The following TOGARAM1 variants were observed in gnomAD, a reference collection of about 807,000 sequenced individuals.
The protein encoded by TOGARAM1 is TOG array regulator of axonemal microtubules 1, also known as TOG array regulator of axonemal microtubules protein 1.
TOGARAM1 carries 100 observed loss-of-function variants against 166.6 expected under a neutral mutation model. The observed-to-expected ratio is 0.60, with a 90% confidence interval of 0.51 to 0.71. The LOEUF (loss-of-function observed/expected upper bound fraction) is 0.71. Among genes scored for constraint, TOGARAM1 ranks in the 30% least tolerant of loss-of-function variants. The probability of loss-of-function intolerance (pLI) is 0.00; values close to 1 mark genes in which losing one functional copy is unlikely to be tolerated. For missense variants in TOGARAM1, 2,029 were observed against 2,102.7 expected (o/e 0.96, Z 0.69); for synonymous variants, 758 against 763.8 (o/e 0.99, Z 0.13).
At chr14:45,029,215 G>A (rs1386300806) in intron 10 of TOGARAM1, among the ~76,000 whole-genome samples, 1 of 152,120 alleles carries the variant, frequency 6.6e-6, no homozygotes, top group Admixed American at 6.6e-5. Flanking sequence ...TGAAATTTAA[G>A]CCTCTTAGCA....
intron 3 of TOGARAM1, among the ~76,000 whole-genome samples, chr14:45,003,525 G>GT (rs1887784343): frequency 6.6e-6 from 1 of 152,014 alleles, no homozygotes; most frequent in Non-Finnish European, 1.5e-5. Context: ...ATCAGATCTT[G>GT]TTTTTTTAGT....
At chr14:44,992,410 G>A (rs949378724) in intron 1 of TOGARAM1, among the ~76,000 whole-genome samples, 3 of 151,982 alleles carry the variant, frequency 2.0e-5, no homozygotes, top group South Asian at 2.1e-4. Context: ...TGGAGGTCAA[G>A]ATAAAGTTTA....
chr14:44,988,248 G>A (rs1195493276), intron 1 of TOGARAM1, among the ~76,000 whole-genome samples: 4 of 151,924 alleles, frequency 2.6e-5, no homozygotes, highest in African/African-American at 9.7e-5. Flanking sequence ...AGAACTTAAA[G>A]TATAAAAAAA....
In TOGARAM1 at chr14:45,033,189, G is replaced by T. The variant is rs1232888913; in HGVS notation, c.3812+813G>T. 2.0e-5 allele frequency among the ~76,000 whole-genome samples: 3 copies of T among 150,954 alleles called. No homozygotes were observed. The East Asian group carries it at 5.9e-4, about 29-fold the overall frequency. On this transcript the variant is annotated intron_variant, in intron 11 of 19. Transcript: ENST00000361462. The stretch of plus-strand genomic sequence containing the variant: ...AATTGCTTGAACCCGGGAGGTGGAG[G>T]TTGCAGTGAGCTGAGATTGGGCAAC...
In TOGARAM1 at chr14:44,964,221, G is replaced by A. The variant is rs758720486; in HGVS notation, c.1800G>A (p.Arg600=). Residue 600 remains arginine (R), a synonymous_variant, in exon 1 of 20, where the codon AGG becomes AGA. Coordinates refer to ENST00000361462, the MANE Select transcript of TOGARAM1 (RefSeq NM_001308120.2). ...AVLMPSSAGG[R]SNHLAHGADT... ...TGATGCCATCTTCTGCCGGGGGTAG[G>A]TCAAACCATTTGGCACATGGAGCAG... 2 of 1,614,192 alleles carry A rather than the reference G, an allele frequency of 1.2e-6. No individual in the cohort carries two copies. The highest frequency in any genetic ancestry group is 1.1e-5 in the South Asian group (1 of 91,092).
At position 44,992,412 on chromosome 14, in the gene TOGARAM1, T is replaced by C. The variant is rs1887191328; in HGVS notation, c.2047-3334T>C. On this transcript the variant is annotated intron_variant, in intron 1 of 19. Transcript: ENST00000361462. The stretch of plus-strand genomic sequence containing the variant: ...AAGGTTCAAAAACTGGAGGTCAAGA[T>C]AAAGTTTAGTACAAGTTCAGTAAAG... Among the ~76,000 whole-genome samples the C allele has an allele frequency of 2.0e-5, 3 of 152,064 alleles. No individual in the cohort carries two copies. The South Asian group carries it at 6.2e-4, about 32-fold the overall frequency.
At chr14:44,976,555 C>T (rs144839266) in intron 1 of TOGARAM1, among the ~76,000 whole-genome samples, 1 of 152,250 alleles carries the variant, frequency 6.6e-6, no homozygotes, top group East Asian at 1.9e-4. Context: ...GCTTGGCACA[C>T]AGGAGGCACT....
intron 1 of TOGARAM1, among the ~76,000 whole-genome samples, chr14:44,973,586 C>T (rs974387935): frequency 5.3e-5 from 8 of 149,744 alleles, no homozygotes; most frequent in African/African-American, 2.0e-4. Context: ...CTTTCTCTCT[C>T]TCTCTCTCTC....
At position 45,066,570 on chromosome 14, in the gene TOGARAM1, C is replaced by T. The variant is rs761560881; in HGVS notation, c.4560-8C>T. ...AATGAAATTACCTTCACCTTTCTTT[C>T]ACTTTAGAGCTGTAACTGAAGTTCG... On this transcript the variant is annotated splice_region_variant and splice_polypyrimidine_tract_variant and intron_variant, in intron 16 of 19. Coordinates refer to ENST00000361462, the MANE Select transcript of TOGARAM1 (RefSeq NM_001308120.2). 6.4e-7 allele frequency: 1 copy of T among 1,573,808 alleles called. No individual in the cohort carries two copies. The highest frequency in any genetic ancestry group is 8.7e-7 in the Non-Finnish European group (1 of 1,155,958).
At chr14:45,067,691 GT>G (rs1055855649) in intron 17 of TOGARAM1, among the ~76,000 whole-genome samples, 13 of 152,036 alleles carry the variant, frequency 8.6e-5, no homozygotes, top group Non-Finnish European at 1.5e-4. Context: ...GAGCCAGAAA[GT>G]TATATTTTCT....
At chr14:45,046,435 C>CA in intron 13 of TOGARAM1, 110 bp from the exon 14 acceptor site, 3 of 1,023,620 alleles carry the variant, frequency 2.9e-6, no homozygotes, top group Non-Finnish European at 2.5e-6. Context: ...GACCCTGTCC[C>CA]AAAAAACAAA....
intron 5 of TOGARAM1, 40 bp downstream of exon 5, chr14:45,006,307 A>G: frequency 2.1e-6 from 3 of 1,433,794 alleles, no homozygotes; most frequent in Non-Finnish European, 2.8e-6. Flanking sequence ...AAATATTTGC[A>G]ATTTTCTATA....
chr14:45,071,878 T>C, intron 19 of TOGARAM1, 80 bp downstream of exon 19: 1 of 1,077,674 alleles, frequency 9.3e-7, no homozygotes, highest in Non-Finnish European at 1.3e-6. Flanking sequence ...AATTTTAGGA[T>C]AGCTACCAAC....
intron 15 of TOGARAM1, among the ~76,000 whole-genome samples, chr14:45,053,870 ATATTAT>A (rs111579133): frequency 6.0e-5 from 9 of 151,186 alleles, no homozygotes; most frequent in East Asian, 5.8e-4. Flanking sequence ...GAAATACAGC[ATATTAT>A]TATTATTATT....
intron 1 of TOGARAM1, among the ~76,000 whole-genome samples, chr14:44,967,149 C>G (rs1022519898): frequency 1.3e-5 from 2 of 152,058 alleles, no homozygotes; most frequent in African/African-American, 4.8e-5. Flanking sequence ...TGTGGTTTGA[C>G]CCTTTCAGTG....
chr14:45,067,102 A>G (rs1250856421), intron 17 of TOGARAM1, among the ~76,000 whole-genome samples: 1 of 152,154 alleles, frequency 6.6e-6, no homozygotes, highest in Non-Finnish European at 1.5e-5. Context: ...ATATAGATAT[A>G]TAATTCTCAA....
At chr14:44,969,590 G>A (rs2138721525) in intron 1 of TOGARAM1, among the ~76,000 whole-genome samples, 1 of 152,306 alleles carries the variant, frequency 6.6e-6, no homozygotes. Flanking sequence ...CATGGATCAT[G>A]CCTTTGGTAT....
chr14:44,980,201 A>G (rs1445387924), intron 1 of TOGARAM1, among the ~76,000 whole-genome samples: 1 of 152,142 alleles, frequency 6.6e-6, no homozygotes, highest in Non-Finnish European at 1.5e-5. Flanking sequence ...CTGCTTTAAC[A>G]TTTACAGTCC....
At chr14:45,064,093 C>T (rs1883031017) in intron 16 of TOGARAM1, among the ~76,000 whole-genome samples, 1 of 152,126 alleles carries the variant, frequency 6.6e-6, no homozygotes, top group African/African-American at 2.4e-5. Context: ...ACCCCCCGCT[C>T]TGGTTGTGGG....
Sources: gnomAD v4.1 joint callset for allele counts (sites outside exome capture counted in the v4.1 genomes callset) on GRCh38, gnomAD v4.1.1 for gene constraint, MANE v1.5 for transcripts, NCBI Gene and HGNC (gene_info 2026-07-23, HGNC 2026-07-21) for gene names.